WDFY2: variants seen among roughly 807,000 people sequenced by gnomAD.
WDFY2 encodes the protein WD repeat and FYVE domain-containing protein 2.
Under a neutral mutation model 56.4 loss-of-function variants are expected in WDFY2, and 36 were observed. The observed-to-expected ratio is 0.64, with a 90% confidence interval of 0.49 to 0.84. The LOEUF is 0.84. Ranked by LOEUF, WDFY2 falls within the 40% of genes least tolerant of loss-of-function variation. The probability of loss-of-function intolerance (pLI) is 0.00; values close to 1 mark genes in which losing one functional copy is unlikely to be tolerated. For missense variants in WDFY2, 444 were observed against 512.2 expected, an observed-to-expected ratio of 0.87 and a Z score of 1.29; for synonymous variants, 176 against 183.7, an observed-to-expected ratio of 0.96 and a Z score of 0.34.
chr13:51,748,086 A>G (rs1221933249), intron 7 of WDFY2, among the ~76,000 whole-genome samples: 3 of 152,060 alleles, frequency 2.0e-5, no homozygotes, highest in Non-Finnish European at 4.4e-5. Flanking sequence ...CCTTCCTCTC[A>G]GTCTTTATCT....
At chr13:51,757,259 TTAA>T (rs1341712807) in intron 10 of WDFY2, among the ~76,000 whole-genome samples, 2 of 152,222 alleles carry the variant, frequency 1.3e-5, no homozygotes, top group Non-Finnish European at 2.9e-5. Context: ...CGTGATGAAA[TTAA>T]TGAGAGTTTT....
chr13:51,764,684 T>TATC lies in WDFY2; in HGVS notation c.*4917_*4919dup, dbSNP rs2030711954. On this transcript the variant is annotated 3_prime_UTR_variant, in exon 12 of 12. Coordinates refer to ENST00000298125, the MANE Select transcript of WDFY2 (RefSeq NM_052950.4). ...CTACTATTAGTTTATATTATAATAG[T>TATC]ATCAGTTTCTTTTTCTTTGGAAATC... 6.6e-6 allele frequency: 1 copy of TATC among 152,234 alleles called. No individual in the cohort carries two copies. The allele number at this position is 152,234 out of a possible 1,614,324, so 9.4% of individuals were successfully genotyped here. A position where few individuals can be genotyped will look rare whatever the true frequency, so the allele number is the denominator to read the frequency against.
At chr13:51,745,978 T>C (rs903652753) in intron 7 of WDFY2, among the ~76,000 whole-genome samples, 7 of 139,392 alleles carry the variant, frequency 5.0e-5, no homozygotes, top group East Asian at 4.0e-4. Context: ...TTTTTCTTTT[T>C]TTTTTTTTTT....
chr13:51,667,926 C>G (rs1324451045), intron 2 of WDFY2, among the ~76,000 whole-genome samples: 1 of 101,260 alleles, frequency 9.9e-6, no homozygotes, highest in African/African-American at 4.1e-5. Context: ...GAGTCTTGCT[C>G]TGTCACCCAG....
rs767208248 is a variant in WDFY2 at position 51,719,369 on chromosome 13, ATC to A, written c.485+25_485+26del. On this transcript the variant is annotated intron_variant, in intron 5 of 11. Coordinates refer to ENST00000298125, the MANE Select transcript of WDFY2 (RefSeq NM_052950.4). ...CTGCAGTATCCTTTGCTGGACAAAAATCTCTTAGTGGGAACTTAACTGTTGTT... is the reference window on the plus strand; with the variant it reads ...CTGCAGTATCCTTTGCTGGACAAAAATCTTAGTGGGAACTTAACTGTTGTT... 10 of 1,536,672 alleles carry A rather than the reference ATC, an allele frequency of 6.5e-6. No individual in the cohort carries two copies. The South Asian group carries it at 7.6e-5, about 12-fold the overall frequency.
rs1308324154 is a variant in WDFY2, at chr13:51,723,856, G to A, written c.486-3822G>A. Among the ~76,000 whole-genome samples the A allele has an allele frequency of 2.6e-5, 4 of 152,144 alleles. No individual in the cohort carries two copies. In the East Asian group the frequency reaches 7.7e-4, roughly 29 times the overall value. The stretch of plus-strand genomic sequence containing the variant: ...ACTTTTTCGTTAAGGTTGCTAAATG[G>A]TGATTTTCTAATCCTATCATATTTT... On this transcript the variant is annotated intron_variant, in intron 5 of 11. Coordinates refer to ENST00000298125, the MANE Select transcript of WDFY2 (RefSeq NM_052950.4).
Position 51,703,577 on chromosome 13 carries a change from G to C in WDFY2, c.280-19G>C, listed in dbSNP as rs1385826174. On this transcript the variant is annotated intron_variant, in intron 3 of 11. Coordinates refer to ENST00000298125, the MANE Select transcript of WDFY2 (RefSeq NM_052950.4). Reference sequence around the variant, plus strand: ...TTAAAGAATTTATTTTTGTTTAATAGTTTTCTTTTCTTTTACAGGAGTTTA... The same window carrying C: ...TTAAAGAATTTATTTTTGTTTAATACTTTTCTTTTCTTTTACAGGAGTTTA... 6.4e-7 allele frequency: 1 copy of C among 1,558,082 alleles called. No individual in the cohort carries two copies. Among genetic ancestry groups the C allele is most frequent in the Non-Finnish European group, 8.7e-7 (1 of 1,143,348 alleles).
At chr13:51,715,040 TG>T (rs1361003622) in intron 4 of WDFY2, among the ~76,000 whole-genome samples, 1 of 152,210 alleles carries the variant, frequency 6.6e-6, no homozygotes, top group Admixed American at 6.5e-5. Context: ...TGTTATGGTA[TG>T]CCTGGATAGG....
intron 7 of WDFY2, among the ~76,000 whole-genome samples, chr13:51,740,297 G>A (rs1019895553): frequency 1.3e-5 from 2 of 152,204 alleles, no homozygotes; most frequent in African/African-American, 4.8e-5. Flanking sequence ...CCTGGCTTGT[G>A]GGGCCACTCA....
At chr13:51,622,603 G>A (rs1264550597) in intron 1 of WDFY2, among the ~76,000 whole-genome samples, 1 of 152,212 alleles carries the variant, frequency 6.6e-6, no homozygotes, top group Non-Finnish European at 1.5e-5. Context: ...AAATGAACCA[G>A]GAGGCAGTTT....
At chr13:51,683,822 C>G (rs960648198) in intron 3 of WDFY2, among the ~76,000 whole-genome samples, 1 of 152,126 alleles carries the variant, frequency 6.6e-6, no homozygotes, top group Non-Finnish European at 1.5e-5. Context: ...GTCCTAGTCT[C>G]TGGGGTTTAG....
At chr13:51,727,569 T>C in intron 5 of WDFY2, 109 bp from the exon 6 acceptor site, 1 of 990,878 alleles carries the variant, frequency 1.0e-6, no homozygotes, top group Non-Finnish European at 1.5e-6. Flanking sequence ...TGTCTTCACA[T>C]TTTCCTCAGA....
intron 1 of WDFY2, among the ~76,000 whole-genome samples, chr13:51,615,108 A>G (rs1954586614): frequency 6.6e-6 from 1 of 152,240 alleles, no homozygotes; most frequent in South Asian, 2.1e-4. Context: ...ATAATGGGAA[A>G]TTGTGACTAA....
chr13:51,627,219 G>A (rs1593898198), intron 1 of WDFY2, among the ~76,000 whole-genome samples: 1 of 152,208 alleles, frequency 6.6e-6, no homozygotes, highest in East Asian at 1.9e-4. Flanking sequence ...AGCTTGGGGA[G>A]CTCCTTGCTC....
chr13:51,757,026 T>A (rs1050943279), intron 10 of WDFY2, among the ~76,000 whole-genome samples: 1 of 152,220 alleles, frequency 6.6e-6, no homozygotes, highest in Non-Finnish European at 1.5e-5. Flanking sequence ...TAGTGTTGGC[T>A]CATTGAAAGC....
At chr13:51,596,884 A>T (rs928015920) in intron 1 of WDFY2, among the ~76,000 whole-genome samples, 2 of 152,220 alleles carry the variant, frequency 1.3e-5, no homozygotes, top group Non-Finnish European at 2.9e-5. Flanking sequence ...TATTCCTCTC[A>T]AGGCTCAGAA....
intron 1 of WDFY2, among the ~76,000 whole-genome samples, chr13:51,635,146 G>T (rs1193521974): frequency 6.6e-6 from 1 of 152,012 alleles, no homozygotes; most frequent in Non-Finnish European, 1.5e-5. Flanking sequence ...GTTTCACCAT[G>T]TTGGCGAGGC....
Position 51,612,597 on chromosome 13 carries a change from T to C in WDFY2, c.137+27773T>C, listed in dbSNP as rs370051571. Among the ~76,000 whole-genome samples, 316 of 152,360 alleles carry C rather than the reference T, an allele frequency of 2.1e-3. 1 individual carries two copies. The highest frequency in any genetic ancestry group is 6.0e-3 in the African/African-American group (248 of 41,586). On this transcript the variant is annotated intron_variant, in intron 1 of 11. Transcript: ENST00000298125. ...AAGTGTATTAAACTCTGAGAAGTGATATAGTCCATTTGTAAAAGGAAGTAT... is the reference window on the plus strand; with the variant it reads ...AAGTGTATTAAACTCTGAGAAGTGACATAGTCCATTTGTAAAAGGAAGTAT...
At chr13:51,677,460 C>A (rs1395159067) in intron 3 of WDFY2, among the ~76,000 whole-genome samples, 1 of 152,190 alleles carries the variant, frequency 6.6e-6, no homozygotes, top group Non-Finnish European at 1.5e-5. Flanking sequence ...TACTTAGTCT[C>A]AGCTGTTTTA....
Sources: allele counts gnomAD v4.1 joint callset (sites outside exome capture counted in the v4.1 genomes callset), GRCh38; gene constraint gnomAD v4.1.1; transcripts MANE v1.5; gene names NCBI Gene and HGNC (gene_info 2026-07-23, HGNC 2026-07-21).